RBFOX1: variants seen among roughly 807,000 people sequenced by gnomAD.
The protein encoded by RBFOX1 is RNA binding protein fox-1 homolog 1.
In RBFOX1, 8 loss-of-function variants were observed where a neutral mutation model predicts 57.7. The observed-to-expected ratio is 0.14, with a 90% CI of 0.08 to 0.25. The LOEUF (loss-of-function observed/expected upper bound fraction) is 0.25. Ranked by LOEUF, RBFOX1 falls within the 10% of genes least tolerant of loss-of-function variation. The pLI, the probability that RBFOX1 is intolerant of heterozygous loss-of-function variation, is 1.00. For synonymous variants in RBFOX1, 326 were observed against 222.4 expected (o/e 1.47, Z -4.15); for missense variants, 611 against 548.5 (o/e 1.11, Z -1.14).
intron 2 of RBFOX1, among the ~76,000 whole-genome samples, chr16:6,538,190 A>C (rs1473336128): frequency 6.6e-6 from 1 of 152,216 alleles, no homozygotes; most frequent in African/African-American, 2.4e-5. Flanking sequence ...ACCATTAGTC[A>C]TTAGAGAAAT....
At chr16:7,635,889 C>T (rs2061673851) in intron 11 of RBFOX1, among the ~76,000 whole-genome samples, 1 of 152,180 alleles carries the variant, frequency 6.6e-6, no homozygotes, top group Admixed American at 6.5e-5. Flanking sequence ...CGGCTCACTG[C>T]AAACTCCACC....
chr16:6,743,608 T>C (rs1199143837), intron 3 of RBFOX1, among the ~76,000 whole-genome samples: 1 of 151,640 alleles, frequency 6.6e-6, no homozygotes, highest in Non-Finnish European at 1.5e-5. Flanking sequence ...GTGAGCATGG[T>C]GGTGCATGTC....
intron 1 of RBFOX1, among the ~76,000 whole-genome samples, chr16:6,242,788 C>T (rs1260275002): frequency 6.6e-6 from 1 of 152,032 alleles, no homozygotes; most frequent in Non-Finnish European, 1.5e-5. Flanking sequence ...AGATAATAAA[C>T]ACATAACCCT....
chr16:7,200,448 C>G lies in RBFOX1; in HGVS notation c.27+148350C>G, dbSNP rs996860222. Among the ~76,000 whole-genome samples, 5 of 152,176 alleles carry G rather than the reference C, an allele frequency of 3.3e-5. No individual in the cohort carries two copies. In the South Asian group the frequency reaches 6.2e-4, roughly 19 times the overall value. ...CATATTCAGCAAATGTTTATTGCACCTCTATTTATGGTGTGCCTGTCAGAC... is the reference window on the plus strand; with the variant it reads ...CATATTCAGCAAATGTTTATTGCACGTCTATTTATGGTGTGCCTGTCAGAC... On this transcript the variant is annotated intron_variant, in intron 4 of 15. Coordinates refer to ENST00000550418, the MANE Select transcript of RBFOX1 (RefSeq NM_018723.4).
chr16:6,993,619 A>G (rs1273325360), intron 3 of RBFOX1, among the ~76,000 whole-genome samples: 3 of 152,274 alleles, frequency 2.0e-5, no homozygotes, highest in African/African-American at 7.2e-5. Flanking sequence ...AATTGTTAAA[A>G]TTCCACTCAG....
intron 1 of RBFOX1, among the ~76,000 whole-genome samples, chr16:6,073,254 C>G (rs1411774631): frequency 6.6e-6 from 1 of 152,084 alleles, no homozygotes; most frequent in African/African-American, 2.4e-5. Flanking sequence ...ATATTTAAGA[C>G]AAAAATGACT....
chr16:5,641,384 C>T (rs192296082), intron 3 of RBFOX1, among the ~76,000 whole-genome samples: 8 of 152,334 alleles, frequency 5.3e-5, no homozygotes, highest in Non-Finnish European at 1.2e-4. Context: ...AAGTAGATAC[C>T]TGCTGCAGTG....
At chr16:7,543,155 G>T (rs1471871210) in intron 5 of RBFOX1, among the ~76,000 whole-genome samples, 1 of 152,204 alleles carries the variant, frequency 6.6e-6, no homozygotes, top group South Asian at 2.1e-4. Context: ...CTCAGGGTTG[G>T]TGTTTAACAG....
At chr16:6,576,551 A>C (rs11865567) in intron 2 of RBFOX1, among the ~76,000 whole-genome samples, 1 of 151,814 alleles carries the variant, frequency 6.6e-6, no homozygotes, top group African/African-American at 2.4e-5. Context: ...TCACCCTCCT[A>C]TTTTCTTTCT....
chr16:6,039,346 G>GA (rs2095410610), intron 1 of RBFOX1, among the ~76,000 whole-genome samples: 1 of 39,616 alleles, frequency 2.5e-5, no homozygotes, highest in African/African-American at 1.1e-4. Context: ...TCTGCTTTCT[G>GA]GAAAAAAAAA....
At chr16:7,692,875 C>T (rs903901763) in intron 14 of RBFOX1, among the ~76,000 whole-genome samples, 1 of 130,148 alleles carries the variant, frequency 7.7e-6, no homozygotes, top group Non-Finnish European at 1.7e-5. Context: ...TCTGAAATGA[C>T]AGCACTTTTT....
At chr16:7,219,238 C>T (rs1341057824) in intron 4 of RBFOX1, among the ~76,000 whole-genome samples, 2 of 152,100 alleles carry the variant, frequency 1.3e-5, no homozygotes, top group East Asian at 3.9e-4. Context: ...CAATTAACAC[C>T]ACAGGGAAAA....
intron 1 of RBFOX1, among the ~76,000 whole-genome samples, chr16:6,067,953 C>T (rs763754033): frequency 2.0e-5 from 3 of 152,090 alleles, no homozygotes; most frequent in East Asian, 1.9e-4. Flanking sequence ...TCCAACTAGC[C>T]TTTGTGTGAA....
chr16:5,393,393 G>A (rs879769530), intron 1 of RBFOX1, among the ~76,000 whole-genome samples: 1 of 152,234 alleles, frequency 6.6e-6, no homozygotes, highest in Non-Finnish European at 1.5e-5. Flanking sequence ...TGCCAAGAAG[G>A]TTGATCTCCC....
chr16:6,953,615 G>T (rs953022604), intron 3 of RBFOX1, among the ~76,000 whole-genome samples: 2 of 152,188 alleles, frequency 1.3e-5, no homozygotes, highest in African/African-American at 4.8e-5. Flanking sequence ...TGAAACTGCT[G>T]ACTTGAAGTG....
intron 12 of RBFOX1, among the ~76,000 whole-genome samples, chr16:7,664,191 T>C (rs2068564616): frequency 6.6e-6 from 1 of 152,226 alleles, no homozygotes; most frequent in Non-Finnish European, 1.5e-5. Flanking sequence ...TACATACGTG[T>C]ATACACTATA....
intron 4 of RBFOX1, among the ~76,000 whole-genome samples, chr16:5,872,893 C>G (rs375453699): frequency 2.5e-4 from 38 of 152,174 alleles, no homozygotes; most frequent in African/African-American, 7.7e-4. Context: ...TGGCTCATGC[C>G]TGTAATCCCA....
At chr16:7,119,330 A>T (rs562227127) in intron 4 of RBFOX1, among the ~76,000 whole-genome samples, 43 of 152,182 alleles carry the variant, frequency 2.8e-4, no homozygotes, top group Non-Finnish European at 5.4e-4. Context: ...TTATTGAGTC[A>T]TCAGACTTGT....
chr16:5,718,973 T>TAAA (rs35859261), intron 3 of RBFOX1, among the ~76,000 whole-genome samples: 3,271 of 146,964 alleles, frequency 0.022, 90 homozygotes, highest in African/African-American at 0.061. Context: ...TGTGTATAGT[T>TAAA]AAAAAAAAAA....
Sources: gnomAD v4.1 joint callset for allele counts (sites outside exome capture counted in the v4.1 genomes callset) on GRCh38, gnomAD v4.1.1 for gene constraint, MANE v1.5 for transcripts, NCBI Gene and HGNC (gene_info 2026-07-23, HGNC 2026-07-21) for gene names.